UNC5D: variants seen among roughly 807,000 people sequenced by gnomAD.
The protein encoded by UNC5D is netrin receptor UNC5D.
Under a neutral mutation model 105.4 loss-of-function variants are expected in UNC5D, and 39 were observed. The ratio of observed to expected loss-of-function variants is 0.37; its 90% CI spans 0.29 to 0.48. The LOEUF (loss-of-function observed/expected upper bound fraction) is 0.48, where lower values mean the gene tolerates loss of function less well. Ranked by LOEUF, UNC5D falls within the 20% of genes least tolerant of loss-of-function variation. The pLI, the probability that UNC5D is intolerant of heterozygous loss-of-function variation, is 0.98. For missense variants in UNC5D, 991 were observed against 1,202.4 expected (o/e 0.82, Z 2.60); for synonymous variants, 452 against 450.4 (o/e 1.00, Z -0.04).
rs575104878 is a variant in UNC5D, at chr8:35,633,191, G to A, written c.570+37534G>A. On this transcript the variant is annotated intron_variant, in intron 4 of 16. Coordinates refer to ENST00000404895, the MANE Select transcript of UNC5D (RefSeq NM_080872.4). ...GACATCCTGTGCTCCCTTAGGATAG[G>A]ACTTCTTGCGTAAAAGGTTGGTAAC... Among the ~76,000 whole-genome samples, 523 of 152,268 alleles carry A rather than the reference G, an allele frequency of 3.4e-3. 1 individual carries two copies. Among genetic ancestry groups the A allele is most frequent in the Non-Finnish European group, 4.3e-3 (290 of 68,028 alleles).
chr8:35,241,518 G>A (rs1053044032), intron 1 of UNC5D, among the ~76,000 whole-genome samples: 1 of 152,098 alleles, frequency 6.6e-6, no homozygotes, highest in Admixed American at 6.5e-5. Context: ...CAATAACCAA[G>A]TAGTAACATT....
chr8:35,483,900 A>C lies in UNC5D; in HGVS notation c.104-65392A>C, dbSNP rs1810659494. Among the ~76,000 whole-genome samples the C allele has an allele frequency of 2.0e-5, 3 of 152,332 alleles. No homozygotes were observed. The South Asian group carries it at 6.2e-4, about 32-fold the overall frequency. The stretch of plus-strand genomic sequence containing the variant: ...CTTAGGCTGCTTTTCTGACATTAGA[A>C]GCTTAGAATGTGGTTAACACAGGGC... On this transcript the variant is annotated intron_variant, in intron 1 of 16. Transcript: ENST00000404895.
chr8:35,773,724 G>A (rs1327467800), intron 15 of UNC5D, among the ~76,000 whole-genome samples: 1 of 151,792 alleles, frequency 6.6e-6, no homozygotes, highest in Non-Finnish European at 1.5e-5. Flanking sequence ...TTGTTATTTT[G>A]TTTTGTTTTT....
intron 4 of UNC5D, among the ~76,000 whole-genome samples, chr8:35,608,461 T>A (rs1388509280): frequency 6.6e-6 from 1 of 152,210 alleles, no homozygotes; most frequent in African/African-American, 2.4e-5. Flanking sequence ...GCAAGTATAA[T>A]TTTGTTACGT....
At chr8:35,750,538 C>T (rs768065017) in intron 12 of UNC5D, 44 bp from the exon 13 acceptor site, 8 of 1,583,512 alleles carry the variant, frequency 5.1e-6, no homozygotes, top group Non-Finnish European at 6.1e-6. Flanking sequence ...GGTTAGATCA[C>T]ATCTTATTTC....
chr8:35,268,774 A>G (rs1053604142), intron 1 of UNC5D, among the ~76,000 whole-genome samples: 11 of 152,160 alleles, frequency 7.2e-5, no homozygotes, highest in African/African-American at 2.7e-4. Context: ...TGAAAATGAT[A>G]CTGTTTATCT....
intron 12 of UNC5D, among the ~76,000 whole-genome samples, chr8:35,749,633 T>G (rs1586582911): frequency 6.6e-6 from 1 of 152,194 alleles, no homozygotes; most frequent in Non-Finnish European, 1.5e-5. Context: ...TGCGTTTTAG[T>G]GCAACCATGA....
chr8:35,550,458 G>A (rs974073570), intron 2 of UNC5D, among the ~76,000 whole-genome samples: 1 of 152,060 alleles, frequency 6.6e-6, no homozygotes, highest in African/African-American at 2.4e-5. Context: ...GCTTGACTTG[G>A]TCAACTCACT....
chr8:35,294,527 T>A (rs914137853), intron 1 of UNC5D, among the ~76,000 whole-genome samples: 4 of 152,154 alleles, frequency 2.6e-5, no homozygotes, highest in African/African-American at 9.7e-5. Context: ...TGAATTTGCT[T>A]TGCTTTCTCT....
intron 8 of UNC5D, among the ~76,000 whole-genome samples, chr8:35,714,894 G>A (rs1384769191): frequency 2.0e-5 from 3 of 151,596 alleles, no homozygotes; most frequent in Non-Finnish European, 4.4e-5. Flanking sequence ...GCTCACGCCT[G>A]TAATCCCAGC....
intron 4 of UNC5D, among the ~76,000 whole-genome samples, chr8:35,628,124 C>T (rs200919953): frequency 3.0e-3 from 366 of 120,386 alleles, no homozygotes; most frequent in African/African-American, 0.011. Context: ...TATTTATTTA[C>T]TTACTTACTT....
chr8:35,293,560 A>G (rs1055717463), intron 1 of UNC5D, among the ~76,000 whole-genome samples: 2 of 152,130 alleles, frequency 1.3e-5, no homozygotes, highest in Non-Finnish European at 2.9e-5. Context: ...GAATTTCTCC[A>G]AGGATCATAT....
At chr8:35,676,316 T>G (rs1825216525) in intron 4 of UNC5D, among the ~76,000 whole-genome samples, 1 of 152,230 alleles carries the variant, frequency 6.6e-6, no homozygotes, top group Non-Finnish European at 1.5e-5. Context: ...TCTAAGTAAC[T>G]AGTTTCTTTG....
intron 4 of UNC5D, among the ~76,000 whole-genome samples, chr8:35,656,144 G>A (rs1031500114): frequency 5.3e-5 from 8 of 152,062 alleles, no homozygotes; most frequent in African/African-American, 9.7e-5. Flanking sequence ...CTGCCTCTCC[G>A]CTGATAGGGA....
chr8:35,664,820 C>G (rs1413474509), intron 4 of UNC5D, among the ~76,000 whole-genome samples: 3 of 152,084 alleles, frequency 2.0e-5, no homozygotes, highest in Non-Finnish European at 2.9e-5. Flanking sequence ...TTTCACTCAT[C>G]TATTCTCTCA....
chr8:35,575,930 G>A (rs1818057248), intron 3 of UNC5D, among the ~76,000 whole-genome samples: 1 of 152,094 alleles, frequency 6.6e-6, no homozygotes, highest in African/African-American at 2.4e-5. Context: ...TCCGGAGTAT[G>A]CATTCACTAG....
rs369520847 is a variant in UNC5D at position 35,748,593 on chromosome 8, C to T, written c.1833C>T (p.Ile611=). 11 of 1,613,898 alleles carry T rather than the reference C, an allele frequency of 6.8e-6. No individual in the cohort carries two copies. Among genetic ancestry groups the T allele is most frequent in the African/African-American group, 1.3e-5 (1 of 74,890 alleles). The change falls in exon 12 of 17, where the codon ATC becomes ATT. Residue 611 remains isoleucine, a synonymous_variant. Transcript: ENST00000404895. The part of the protein sequence containing the change: ...PEVTCGPPDM[I]VTTPFALTIP... ...TCACCTGTGGTCCTCCAGACATGAT[C>T]GTCACCACTCCCTTTGCATTGACCA...
At chr8:35,374,382 T>C (rs967983339) in intron 1 of UNC5D, among the ~76,000 whole-genome samples, 5 of 152,182 alleles carry the variant, frequency 3.3e-5, no homozygotes, top group African/African-American at 4.8e-5. Flanking sequence ...TAGTGAGCCA[T>C]TTCCGTTGAG....
intron 4 of UNC5D, among the ~76,000 whole-genome samples, chr8:35,637,113 G>A (rs755222586): frequency 1.3e-5 from 2 of 152,086 alleles, no homozygotes; most frequent in Non-Finnish European, 2.9e-5. Flanking sequence ...TCCAAGTAGA[G>A]GTGCAATCAC....
Sources: allele counts gnomAD v4.1 joint callset (sites outside exome capture counted in the v4.1 genomes callset), GRCh38; gene constraint gnomAD v4.1.1; transcripts MANE v1.5; gene names NCBI Gene and HGNC (gene_info 2026-07-23, HGNC 2026-07-21).